The following SDK1 variants were observed in gnomAD, a reference collection of about 807,000 sequenced individuals.
SDK1 encodes protein sidekick-1.
In SDK1, 157 loss-of-function variants were observed where a neutral mutation model predicts 245.5. The observed-to-expected ratio is 0.64, with a 90% CI of 0.56 to 0.73. The LOEUF (loss-of-function observed/expected upper bound fraction) is 0.73, where lower values mean the gene tolerates loss of function less well. SDK1 is among the 30% of genes least tolerant of loss of function. The pLI is 0.00. For synonymous variants in SDK1, 1,647 were observed against 1,278.5 expected (o/e 1.29, Z -6.15); for missense variants, 3,583 against 3,002.3 (o/e 1.19, Z -4.52).
At chr7:3,823,313 G>T (rs1281060502) in intron 5 of SDK1, among the ~76,000 whole-genome samples, 1 of 152,108 alleles carries the variant, frequency 6.6e-6, no homozygotes, top group Non-Finnish European at 1.5e-5. Context: ...ATATGAATCT[G>T]TACTCAATTG....
intron 4 of SDK1, among the ~76,000 whole-genome samples, chr7:3,816,177 T>C (rs1330578344): frequency 1.3e-5 from 2 of 148,948 alleles, no homozygotes; most frequent in Non-Finnish European, 3.0e-5. Context: ...AACATCACAA[T>C]TAAAAGAACT....
At chr7:3,586,778 CTG>C (rs1345473900) in intron 1 of SDK1, among the ~76,000 whole-genome samples, 4 of 151,298 alleles carry the variant, frequency 2.6e-5, no homozygotes, top group Admixed American at 6.6e-5. Context: ...GTAGCCTTAA[CTG>C]TCATCTGGGT....
intron 5 of SDK1, among the ~76,000 whole-genome samples, chr7:3,913,451 G>T (rs763334735): frequency 2.6e-5 from 4 of 151,798 alleles, no homozygotes; most frequent in Non-Finnish European, 5.9e-5. Context: ...TCGCCACAAC[G>T]CCCAGCTAAT....
chr7:3,443,884 A>G (rs1780267394), intron 1 of SDK1, among the ~76,000 whole-genome samples: 1 of 152,256 alleles, frequency 6.6e-6, no homozygotes, highest in African/African-American at 2.4e-5. Context: ...CAGCTAAACC[A>G]CAGCAGAACA....
At chr7:3,982,853 A>G (rs1464667183) in intron 13 of SDK1, among the ~76,000 whole-genome samples, 1 of 151,998 alleles carries the variant, frequency 6.6e-6, no homozygotes, top group Non-Finnish European at 1.5e-5. Context: ...AAAAAAAAAA[A>G]GAATGTTTGT....
intron 1 of SDK1, among the ~76,000 whole-genome samples, chr7:3,546,475 A>C (rs754423140): frequency 1.3e-5 from 2 of 152,258 alleles, no homozygotes; most frequent in Non-Finnish European, 2.9e-5. Context: ...AATATCCTAC[A>C]GATTGAGAAT....
intron 1 of SDK1, among the ~76,000 whole-genome samples, chr7:3,379,143 G>A (rs74768923): frequency 1.1e-3 from 161 of 152,216 alleles, no homozygotes; most frequent in African/African-American, 3.0e-3. Flanking sequence ...CATTGGTCCC[G>A]TCACTTTTCT....
chr7:3,665,096 T>C (rs974312437), intron 4 of SDK1, among the ~76,000 whole-genome samples: 3 of 152,146 alleles, frequency 2.0e-5, no homozygotes, highest in Admixed American at 6.5e-5. Flanking sequence ...GTGGACTCTC[T>C]GGCTGTTGTT....
intron 1 of SDK1, among the ~76,000 whole-genome samples, chr7:3,568,226 T>A (rs1278703128): frequency 6.6e-6 from 1 of 152,196 alleles, no homozygotes; most frequent in African/African-American, 2.4e-5. Flanking sequence ...ATGCATTTAA[T>A]TTAATATGCA....
At chr7:3,653,314 A>T (rs781120720) in intron 4 of SDK1, among the ~76,000 whole-genome samples, 15 of 152,050 alleles carry the variant, frequency 9.9e-5, no homozygotes, top group Non-Finnish European at 1.8e-4. Flanking sequence ...AAGCTGTTGT[A>T]GGCGTTCTGT....
At chr7:3,688,475 A>C (rs753591723) in intron 4 of SDK1, among the ~76,000 whole-genome samples, 4 of 152,272 alleles carry the variant, frequency 2.6e-5, no homozygotes, top group African/African-American at 9.6e-5. Context: ...TAAATGAGAT[A>C]ATTAACACAA....
At chr7:3,408,343 C>T (rs1049567205) in intron 1 of SDK1, among the ~76,000 whole-genome samples, 3 of 152,126 alleles carry the variant, frequency 2.0e-5, no homozygotes, top group Non-Finnish European at 4.4e-5. Flanking sequence ...TGGTGCTTGG[C>T]CAGTTCATCC....
At chr7:3,405,181 A>AC (rs140355736) in intron 1 of SDK1, among the ~76,000 whole-genome samples, 15,899 of 151,500 alleles carry the variant, frequency 0.1, 1,070 homozygotes, top group African/African-American at 0.18. Flanking sequence ...CAAAAACAAA[A>AC]ACAAAAAACA....
At chr7:4,196,412 A>C (rs1431616857) in intron 35 of SDK1, among the ~76,000 whole-genome samples, 1 of 152,140 alleles carries the variant, frequency 6.6e-6, no homozygotes, top group Non-Finnish European at 1.5e-5. Context: ...TCTGCTTTCA[A>C]ACCTTCCCAG....
intron 4 of SDK1, among the ~76,000 whole-genome samples, chr7:3,751,810 C>A (rs954545656): frequency 6.6e-6 from 1 of 152,160 alleles, no homozygotes. Context: ...CCTCCCCTTC[C>A]ATTTCCTCTG....
chr7:3,911,602 G>T (rs1022453250), intron 5 of SDK1, among the ~76,000 whole-genome samples: 1 of 152,134 alleles, frequency 6.6e-6, no homozygotes, highest in Non-Finnish European at 1.5e-5. Context: ...TATGACCTTG[G>T]GTAGCAGGTT....
At chr7:4,053,930 G>A (rs1218397660) in intron 19 of SDK1, among the ~76,000 whole-genome samples, 5 of 151,698 alleles carry the variant, frequency 3.3e-5, no homozygotes, top group Admixed American at 2.6e-4. Flanking sequence ...TGGTGGTGGT[G>A]GTTTTTTTTG....
intron 44 of SDK1, among the ~76,000 whole-genome samples, chr7:4,246,776 C>T (rs1190835793): frequency 8.5e-5 from 13 of 152,274 alleles, no homozygotes; most frequent in South Asian, 2.1e-4. Context: ...TCAGCCTCCA[C>T]GCGCTCCCTC....
chr7:4,024,817 A>G (rs1375203310), intron 17 of SDK1, among the ~76,000 whole-genome samples: 2 of 152,168 alleles, frequency 1.3e-5, no homozygotes, highest in South Asian at 2.1e-4. Context: ...ACTACAGTTT[A>G]TGTTTTTTGT....
Sources: allele counts gnomAD v4.1 joint callset (sites outside exome capture counted in the v4.1 genomes callset), GRCh38; gene constraint gnomAD v4.1.1; transcripts MANE v1.5; gene names NCBI Gene and HGNC (gene_info 2026-07-23, HGNC 2026-07-21).